The following SIMC1 variants were observed in gnomAD, a reference collection of about 807,000 sequenced individuals.
SIMC1 encodes SUMO interacting motifs containing 1, also known as SUMO-interacting motif-containing protein 1.
SIMC1 carries 55 observed loss-of-function variants against 82.3 expected under a neutral mutation model. The ratio of observed to expected loss-of-function variants is 0.67; its 90% CI spans 0.54 to 0.84. The LOEUF (loss-of-function observed/expected upper bound fraction) is 0.84, where lower values mean the gene tolerates loss of function less well. Ranked by LOEUF, SIMC1 falls within the 40% of genes least tolerant of loss-of-function variation. SIMC1 has a pLI of 0.00. For synonymous variants in SIMC1, 353 were observed against 426.3 expected (o/e 0.83, Z 2.12); for missense variants, 915 against 1,107.2 (o/e 0.83, Z 2.46).
chr5:176,332,609 A>G (rs1277808721), intron 7 of SIMC1, among the ~76,000 whole-genome samples: 4 of 152,176 alleles, frequency 2.6e-5, no homozygotes. Context: ...TTTTAGATTA[A>G]AATCTTATTT....
intron 4 of SIMC1, chr5:176,308,895 C>T: frequency 7.6e-7 from 1 of 1,323,294 alleles, no homozygotes; most frequent in Non-Finnish European, 1.1e-6. Flanking sequence ...CAGATGTCAG[C>T]AGTCAGCGGG....
At chr5:176,277,562 T>C (rs975854516) in intron 1 of SIMC1, among the ~76,000 whole-genome samples, 4 of 152,076 alleles carry the variant, frequency 2.6e-5, no homozygotes, top group South Asian at 2.1e-4. Flanking sequence ...GGTTTTCTTC[T>C]AGGGTTTTTA....
chr5:176,267,878 C>T lies in SIMC1; in HGVS notation c.130-21776C>T, dbSNP rs1380331381. On this transcript the variant is annotated intron_variant, in intron 1 of 9. Transcript: ENST00000429602. The stretch of plus-strand genomic sequence containing the variant: ...TCAAGCAATCCTCTTGACTCAGCCC[C>T]GCCAAGTAGCTGGGACTACAGGTGC... Among the ~76,000 whole-genome samples, 5 of 138,548 alleles carry T rather than the reference C, an allele frequency of 3.6e-5. No homozygotes were observed. In the East Asian group the frequency reaches 8.9e-4, roughly 25 times the overall value. 90.9% of individuals were successfully genotyped at this position (138,548 alleles called of 152,430 possible).
intron 4 of SIMC1, among the ~76,000 whole-genome samples, chr5:176,305,608 C>G (rs1468987804): frequency 7.0e-6 from 1 of 143,432 alleles, no homozygotes; most frequent in East Asian, 2.1e-4. Flanking sequence ...CCCGGCCAAC[C>G]CCCCCGTCTG....
intron 1 of SIMC1, among the ~76,000 whole-genome samples, chr5:176,251,504 TG>T (rs1019953371): frequency 1.3e-5 from 2 of 152,200 alleles, no homozygotes; most frequent in Non-Finnish European, 2.9e-5. Context: ...TTTGCCTGTC[TG>T]TAAAGGATTT....
intron 2 of SIMC1, among the ~76,000 whole-genome samples, chr5:176,292,522 T>C (rs934230155): frequency 3.0e-4 from 46 of 152,298 alleles, no homozygotes; most frequent in Middle Eastern, 3.4e-3. Context: ...TCCTTCTTTA[T>C]GCCTCTGCCT....
At chr5:176,265,688 G>T (rs553810932) in intron 1 of SIMC1, among the ~76,000 whole-genome samples, 2 of 151,984 alleles carry the variant, frequency 1.3e-5, no homozygotes, top group Non-Finnish European at 2.9e-5. Context: ...CCTCCCTCTG[G>T]CAATACAACT....
At chr5:176,317,172 G>A (rs1428251959) in intron 5 of SIMC1, among the ~76,000 whole-genome samples, 1 of 152,112 alleles carries the variant, frequency 6.6e-6, no homozygotes, top group African/African-American at 2.4e-5. Context: ...AAGGATGTAT[G>A]CATATATTTA....
Position 176,251,282 on chromosome 5 carries a change from C to T in SIMC1, c.129+12645C>T, listed in dbSNP as rs187873376. Reference sequence around the variant, plus strand: ...GGCTGAGGCAGGAGAATGGCTTGAACGTGGGAGGCAGAGATTACAGCAAGC... The same window carrying T: ...GGCTGAGGCAGGAGAATGGCTTGAATGTGGGAGGCAGAGATTACAGCAAGC... On this transcript the variant is annotated intron_variant, in intron 1 of 9. Coordinates refer to ENST00000429602, the MANE Select transcript of SIMC1 (RefSeq NM_001308195.2). 1.3e-3 allele frequency among the ~76,000 whole-genome samples: 196 copies of T among 152,254 alleles called. 1 individual carries two copies. The highest frequency in any genetic ancestry group is 4.5e-3 in the African/African-American group (188 of 41,550).
At chr5:176,258,656 A>G (rs1761923540) in intron 1 of SIMC1, among the ~76,000 whole-genome samples, 2 of 150,898 alleles carry the variant, frequency 1.3e-5, no homozygotes, top group Admixed American at 6.6e-5. Context: ...GCACAATCGC[A>G]TAAGTTAGTG....
intron 1 of SIMC1, among the ~76,000 whole-genome samples, chr5:176,255,198 T>C (rs1325226771): frequency 4.8e-4 from 73 of 151,892 alleles, no homozygotes; most frequent in East Asian, 4.5e-3. Flanking sequence ...GAGCTGAGAT[T>C]GTGCCACTGC....
intron 1 of SIMC1, among the ~76,000 whole-genome samples, chr5:176,277,456 G>C (rs1400374856): frequency 6.6e-6 from 1 of 151,754 alleles, no homozygotes; most frequent in African/African-American, 2.4e-5. Flanking sequence ...AGTTTAATTA[G>C]ATCCCATTTG....
At chr5:176,275,367 T>A (rs1251129622) in intron 1 of SIMC1, among the ~76,000 whole-genome samples, 1 of 151,886 alleles carries the variant, frequency 6.6e-6, no homozygotes, top group African/African-American at 2.4e-5. Flanking sequence ...TTAAGGAGAT[T>A]TTGGTCTGAG....
In SIMC1 at chr5:176,290,303, C is replaced by T. The variant is rs375342201; in HGVS notation, c.779C>T (p.Ala260Val). The T allele has an allele frequency of 3.7e-6, 6 of 1,613,722 alleles. No individual in the cohort carries two copies. Among genetic ancestry groups the T allele is most frequent in the Non-Finnish European group, 4.2e-6 (5 of 1,179,884 alleles). The change falls in exon 2 of 10, where the codon GCT becomes GTT. Residue 260 changes from alanine to valine, a missense_variant. This residue lies in a region of SIMC1 where 902 missense variants were observed against 1,040.3 expected (regional missense o/e 0.87). Coordinates refer to ENST00000429602, the MANE Select transcript of SIMC1 (RefSeq NM_001308195.2). ...CAAACCATGCAGTGCCAACTACCAGCTCTAACTCACCCACCTCAAGAAGTG... is the reference window on the plus strand; with the variant it reads ...CAAACCATGCAGTGCCAACTACCAGTTCTAACTCACCCACCTCAAGAAGTG... The part of the protein sequence containing the change: ...PSQTMQCQLP[A>V]LTHPPQEVPC...
chr5:176,284,184 A>G (rs1763152779), intron 1 of SIMC1, among the ~76,000 whole-genome samples: 3 of 152,212 alleles, frequency 2.0e-5, no homozygotes, highest in Admixed American at 2.0e-4. Flanking sequence ...CCTACTAGAC[A>G]TCTACAGAAC....
At chr5:176,264,550 T>C (rs957448152) in intron 1 of SIMC1, among the ~76,000 whole-genome samples, 3 of 151,778 alleles carry the variant, frequency 2.0e-5, no homozygotes, top group South Asian at 2.1e-4. Flanking sequence ...TGAATTTGGA[T>C]TGGGCTCCTG....
chr5:176,241,370 A>G (rs1581208782), intron 1 of SIMC1, among the ~76,000 whole-genome samples: 1 of 113,858 alleles, frequency 8.8e-6, no homozygotes, highest in African/African-American at 3.5e-5. Flanking sequence ...ATGTGCATAC[A>G]TACATACCTA....
intron 1 of SIMC1, among the ~76,000 whole-genome samples, chr5:176,251,781 C>T (rs1263982035): frequency 6.6e-6 from 1 of 150,616 alleles, no homozygotes. Context: ...GTGGTGATGA[C>T]TCTTAACGAG....
intron 4 of SIMC1, among the ~76,000 whole-genome samples, chr5:176,302,549 A>T (rs1764085422): frequency 6.6e-6 from 1 of 152,196 alleles, no homozygotes; most frequent in South Asian, 2.1e-4. Flanking sequence ...CAAGACCTAG[A>T]CAGAGCAGTT....
Sources: gnomAD v4.1 joint callset for allele counts (sites outside exome capture counted in the v4.1 genomes callset) on GRCh38, gnomAD v4.1.1 for gene constraint, gnomAD v4.1.1 regional missense constraint, MANE v1.5 for transcripts, NCBI Gene and HGNC (gene_info 2026-07-23, HGNC 2026-07-21) for gene names.